The following ANAPC2 variants were observed in gnomAD, a reference collection of about 807,000 sequenced individuals.
ANAPC2 encodes the protein anaphase-promoting complex subunit 2.
In ANAPC2, 29 loss-of-function variants were observed where a neutral mutation model predicts 84.3. The ratio of observed to expected loss-of-function variants is 0.34; its 90% CI spans 0.26 to 0.47. The LOEUF (loss-of-function observed/expected upper bound fraction) is 0.47, where lower values mean the gene tolerates loss of function less well. Ranked by LOEUF, ANAPC2 falls within the 20% of genes least tolerant of loss-of-function variation. The pLI is 1.00. For synonymous variants in ANAPC2, 571 were observed against 479.4 expected (o/e 1.19, Z -2.50); for missense variants, 857 against 1,131.7 (o/e 0.76, Z 3.48).
At position 137,174,824 on chromosome 9, in the gene ANAPC2, G is replaced by A. The variant is rs1006836492; in HGVS notation, c.*118C>T. 2.1e-6 allele frequency: 3 copies of A among 1,441,606 alleles called. No homozygotes were observed. The East Asian group carries it at 7.5e-5, about 36-fold the overall frequency. The allele number at this position is 1,441,606 out of a possible 1,614,324, so 89.3% of individuals were successfully genotyped here. On this transcript the variant is annotated 3_prime_UTR_variant, in exon 13 of 13. Coordinates refer to ENST00000323927, the MANE Select transcript of ANAPC2 (RefSeq NM_013366.4). The surrounding 1 kb of genome is among the most constrained non-coding windows in gnomAD (Gnocchi z 6.1). ...TTTAATCTGCACACTGCGGGGGTGG[G>A]GGTGGGCATGCTCCTCAGCAGTGCA...
chr9:137,178,991 AG>A (rs1792560491), intron 10 of ANAPC2, among the ~76,000 whole-genome samples: 2 of 152,328 alleles, frequency 1.3e-5, no homozygotes, highest in Non-Finnish European at 1.5e-5. Flanking sequence ...TACTTGCAAA[AG>A]AAAAAGGAAA....
chr9:137,175,957 G>A, intron 10 of ANAPC2, 120 bp from the exon 11 acceptor site: 1 of 1,303,720 alleles, frequency 7.7e-7, no homozygotes, highest in South Asian at 1.5e-5. Flanking sequence ...CCCCACCCTG[G>A]CAGGCAGGTG....
At chr9:137,175,562 G>A (rs947550718) in intron 11 of ANAPC2, 90 bp from the exon 12 acceptor site, 15 of 1,479,366 alleles carry the variant, frequency 1.0e-5, no homozygotes, top group African/African-American at 1.4e-5. Flanking sequence ...GGGGGCTCCC[G>A]GGCCACCCTG....
chr9:137,187,934 G>A lies in ANAPC2; in HGVS notation c.287C>T (p.Ser96Phe), dbSNP rs766654533. The change falls in exon 2 of 13, where the codon TCC becomes TTC. Residue 96 changes from serine to phenylalanine, a missense_variant. Transcript: ENST00000323927. ...NISPEFWNAI[S>F]QCENSADEPQ... ...CTCATCCGCAGAGTTCTCGCATTGG[G>A]AGATGGCATTCCAGAACTCAGGGGA... The A allele has an allele frequency of 6.8e-6, 11 of 1,613,882 alleles. No individual in the cohort carries two copies. The highest frequency in any genetic ancestry group is 5.0e-5 in the Admixed American group (3 of 60,024).
chr9:137,175,615 C>T, intron 11 of ANAPC2, 93 bp downstream of exon 11: 1 of 1,516,200 alleles, frequency 6.6e-7, no homozygotes, highest in Non-Finnish European at 8.9e-7. Context: ...GCTGGCGCAG[C>T]TGCCCCAAAC....
rs1588764150 is a variant in ANAPC2, at chr9:137,185,002, G to A, written c.959C>T (p.Thr320Ile). ...ARPASPEAGNTLRRWRCHVQR... is the reference protein window; with the variant it reads ...ARPASPEAGNILRRWRCHVQR... ...CACGTGGCAGCGCCAGCGGCGCAGG[G>A]TGTTGCCGGCCTCGGGAGATGCGGG... Residue 320 changes from threonine to isoleucine, a missense_variant, in exon 4 of 13, where the codon ACC becomes ATC. Coordinates refer to ENST00000323927, the MANE Select transcript of ANAPC2 (RefSeq NM_013366.4). 1.9e-6 allele frequency: 3 copies of A among 1,608,636 alleles called. No homozygotes were observed. The highest frequency in any genetic ancestry group is 4.5e-5 in the East Asian group (2 of 44,734).
At chr9:137,187,423 G>C in intron 2 of ANAPC2, 58 bp downstream of exon 2, 1 of 1,547,162 alleles carries the variant, frequency 6.5e-7, no homozygotes, top group Non-Finnish European at 8.7e-7. Flanking sequence ...GCTGGACCCA[G>C]GGGAGCAGCG....
At chr9:137,183,080 G>C (rs778506561) in intron 6 of ANAPC2, 45 bp downstream of exon 6, 14 of 1,499,324 alleles carry the variant, frequency 9.3e-6, no homozygotes, top group Non-Finnish European at 1.1e-5. Context: ...AGCTCAGCAG[G>C]ATGCCCAGGG....
rs971323261 is a variant in ANAPC2, at chr9:137,175,937, A to G, written c.1891-100T>C. On this transcript the variant is annotated intron_variant, in intron 10 of 12. Coordinates refer to ENST00000323927, the MANE Select transcript of ANAPC2 (RefSeq NM_013366.4). ...CAGTGAGAAAGGGGCTCCCAGAGCC[A>G]CCTGCCCCACCCCACCCTGGCAGGC... The G allele has an allele frequency of 1.1e-5, 16 of 1,417,792 alleles. No individual in the cohort carries two copies. In the African/African-American group the frequency reaches 2.3e-4, roughly 20 times the overall value. The allele number at this position is 1,417,792 out of a possible 1,614,324, so 87.8% of individuals were successfully genotyped here. A position where few individuals can be genotyped will look rare whatever the true frequency, so the allele number is the denominator to read the frequency against.
At chr9:137,185,123 CA>C in intron 3 of ANAPC2, 36 bp from the exon 4 acceptor site, 1 of 1,488,662 alleles carries the variant, frequency 6.7e-7, no homozygotes, top group Non-Finnish European at 8.9e-7. Context: ...TGCAGGGAGG[CA>C]TGGTGAGCCC....
chr9:137,176,087 G>A lies in ANAPC2; in HGVS notation c.1891-250C>T, dbSNP rs1432246185. 1.3e-5 allele frequency: 6 copies of A among 448,162 alleles called. No individual in the cohort carries two copies. In the East Asian group the frequency reaches 2.0e-4, roughly 15 times the overall value. The allele number at this position is 448,162 out of a possible 1,614,324, so 27.8% of individuals were successfully genotyped here. On this transcript the variant is annotated intron_variant, in intron 10 of 12. Coordinates refer to ENST00000323927, the MANE Select transcript of ANAPC2 (RefSeq NM_013366.4). ...CTACAGGGGCCTCCTGACCCCCAGT[G>A]CTTGGAAATGTGGCCATATTTGCAA...
At chr9:137,183,646 C>G in intron 5 of ANAPC2, 26 bp downstream of exon 5, 4 of 1,601,824 alleles carry the variant, frequency 2.5e-6, no homozygotes, top group Middle Eastern at 3.4e-4. Context: ...GCCCAGAGTG[C>G]TGGGTGGCCG....
Position 137,186,455 on chromosome 9 carries a change from GCAGCACACACACACACACACACC to G in ANAPC2, c.741-122_741-100del, listed in dbSNP as rs372896343. ...GGACTGCCCTGCCTGTAGAGTGCAT[GCAGCACACACACACACACACACC>G]CAGCACACACCTCCCCACAATCCTC... On this transcript the variant is annotated intron_variant, in intron 2 of 12. Coordinates refer to ENST00000323927, the MANE Select transcript of ANAPC2 (RefSeq NM_013366.4). The G allele has an allele frequency of 1.3e-4, 189 of 1,428,818 alleles. 1 individual carries two copies. The African/African-American group carries it at 2.1e-3, about 16-fold the overall frequency. The allele number at this position is 1,428,818 out of a possible 1,614,324, so 88.5% of individuals were successfully genotyped here.
At chr9:137,178,284 C>T (rs1834266244) in intron 10 of ANAPC2, among the ~76,000 whole-genome samples, 1 of 152,232 alleles carries the variant, frequency 6.6e-6, no homozygotes, top group Admixed American at 6.5e-5. Context: ...GCTGCATGGC[C>T]AGCCACGTGT....
intron 8 of ANAPC2, 72 bp downstream of exon 8, chr9:137,180,716 G>A: frequency 1.3e-6 from 2 of 1,582,474 alleles, no homozygotes; most frequent in Non-Finnish European, 1.7e-6. Context: ...ACGGCGTCAG[G>A]GCCCTGTCCC....
intron 10 of ANAPC2, among the ~76,000 whole-genome samples, chr9:137,178,279 A>G (rs1193272373): frequency 6.6e-6 from 1 of 152,232 alleles, no homozygotes; most frequent in Non-Finnish European, 1.5e-5. Context: ...TGTGGGCTGC[A>G]TGGCCAGCCA....
chr9:137,181,724 G>T lies in ANAPC2; in HGVS notation c.1425C>A (p.Gly475=), dbSNP rs1247414844. The T allele has an allele frequency of 1.9e-6, 3 of 1,611,712 alleles. No individual in the cohort carries two copies. The Admixed American group carries it at 5.0e-5, about 27-fold the overall frequency. ...GGTCCGGGACCCAGTCCTCTGGCTCGCCTGAGTCATCCTCACTGTCCTGGC... is the reference window on the plus strand; with the variant it reads ...GGTCCGGGACCCAGTCCTCTGGCTCTCCTGAGTCATCCTCACTGTCCTGGC... The part of the protein sequence containing the change: ...ETGQDSEDDS[G]EPEDWVPDPV... The change falls in exon 7 of 13, where the codon GGC becomes GGA. Residue 475 remains glycine, a synonymous_variant. Coordinates refer to ENST00000323927, the MANE Select transcript of ANAPC2 (RefSeq NM_013366.4).
rs969090928 is a variant in ANAPC2, at chr9:137,174,880, C to T, written c.*62G>A. ...GGACACGGGCGGGCGGGGGCTGGCA[C>T]GGGAGGACGAGAGCACCTGCAGGGC... On this transcript the variant is annotated 3_prime_UTR_variant, in exon 13 of 13. Transcript: ENST00000323927. The surrounding 1 kb of genome is among the most constrained non-coding windows in gnomAD (Gnocchi z 6.1). The T allele has an allele frequency of 7.2e-5, 96 of 1,329,048 alleles. No homozygotes were observed. The highest frequency in any genetic ancestry group is 6.1e-4 in the South Asian group (43 of 70,062). 82.3% of individuals were successfully genotyped at this position (1,329,048 alleles called of 1,614,324 possible).
intron 3 of ANAPC2, among the ~76,000 whole-genome samples, 194 bp from the exon 4 acceptor site, chr9:137,185,281 C>T (rs942123841): frequency 3.3e-5 from 5 of 152,212 alleles, no homozygotes; most frequent in Admixed American, 3.3e-4. Flanking sequence ...GACGTCCCGG[C>T]CCCCCTGCAG....
Sources: gnomAD v4.1 joint callset for allele counts (sites outside exome capture counted in the v4.1 genomes callset) on GRCh38, gnomAD v4.1.1 for gene constraint, Gnocchi (gnomAD v3.1) non-coding constraint, MANE v1.5 for transcripts, NCBI Gene and HGNC (gene_info 2026-07-23, HGNC 2026-07-21) for gene names.